CDH12: variants seen among roughly 807,000 people sequenced by gnomAD.
CDH12 encodes the protein cadherin-12.
A neutral mutation model predicts 74.1 loss-of-function variants in CDH12; 41 were observed. The observed-to-expected ratio is 0.55, with a 90% confidence interval of 0.43 to 0.72. CDH12 has a LOEUF of 0.72. CDH12 is among the 30% of genes least tolerant of loss of function. The pLI is 0.00. For missense variants in CDH12, 945 were observed against 977.2 expected (o/e 0.97, Z 0.44); for synonymous variants, 399 against 355.0 (o/e 1.12, Z -1.39).
chr5:22,090,823 AAAAC>A (rs922733385), intron 4 of CDH12, among the ~76,000 whole-genome samples: 13 of 152,194 alleles, frequency 8.5e-5, no homozygotes, highest in South Asian at 6.2e-4. Context: ...AAGAAGAAAC[AAAAC>A]AAACAGAGGA....
intron 5 of CDH12, among the ~76,000 whole-genome samples, chr5:21,984,229 G>A (rs1757424342): frequency 6.6e-6 from 1 of 152,108 alleles, no homozygotes; most frequent in African/African-American, 2.4e-5. Flanking sequence ...ATATTCGGTT[G>A]GGGGTGTTCT....
chr5:21,878,817 AAAGAG>A (rs959213851), intron 6 of CDH12, among the ~76,000 whole-genome samples: 1 of 150,218 alleles, frequency 6.7e-6, no homozygotes, highest in African/African-American at 2.5e-5. Flanking sequence ...AGAAAGAAAG[AAAGAG>A]AAAAGAAAAG....
Position 22,596,667 on chromosome 5 carries a change from A to C in CDH12, c.-522-91303T>G, listed in dbSNP as rs551777049. Among the ~76,000 whole-genome samples the C allele has an allele frequency of 2.0e-3, 312 of 152,290 alleles. 4 individuals are homozygous for C. The South Asian group carries it at 0.037, about 18-fold the overall frequency. On this transcript the variant is annotated intron_variant, in intron 1 of 14. Coordinates refer to ENST00000382254, the MANE Select transcript of CDH12 (RefSeq NM_004061.5). ...TGCCTCACTGACTTTTTCTTATTTA[A>C]TATTTTAACACATGATCTTAGCAAA...
intron 7 of CDH12, among the ~76,000 whole-genome samples, chr5:21,846,769 T>G (rs1427588282): frequency 6.6e-6 from 1 of 152,164 alleles, no homozygotes; most frequent in Non-Finnish European, 1.5e-5. Context: ...AACTTATCCC[T>G]CTTTTACTTT....
chr5:22,194,925 G>A (rs1013038493), intron 4 of CDH12, among the ~76,000 whole-genome samples: 2 of 152,026 alleles, frequency 1.3e-5, no homozygotes, highest in South Asian at 2.1e-4. Context: ...GAGTATAAGC[G>A]AGCACCTTGG....
chr5:22,669,940 T>C (rs1300095887), intron 1 of CDH12, among the ~76,000 whole-genome samples: 1 of 152,202 alleles, frequency 6.6e-6, no homozygotes, highest in African/African-American at 2.4e-5. Context: ...TCTGGTTATA[T>C]CACTTCCATA....
At chr5:21,892,350 C>T (rs1211699164) in intron 6 of CDH12, among the ~76,000 whole-genome samples, 1 of 152,030 alleles carries the variant, frequency 6.6e-6, no homozygotes, top group Admixed American at 6.6e-5. Context: ...ATGAACTTTC[C>T]TAGAATGGAA....
At chr5:21,895,883 T>C (rs1168020597) in intron 6 of CDH12, among the ~76,000 whole-genome samples, 1 of 152,190 alleles carries the variant, frequency 6.6e-6, no homozygotes, top group African/African-American at 2.4e-5. Flanking sequence ...GAGCCCACTC[T>C]AGCATTGGGT....
chr5:22,355,832 C>A (rs1462555416), intron 3 of CDH12, among the ~76,000 whole-genome samples: 1 of 152,060 alleles, frequency 6.6e-6, no homozygotes, highest in Non-Finnish European at 1.5e-5. Context: ...CACACATGCA[C>A]AAATGTGTAG....
intron 3 of CDH12, among the ~76,000 whole-genome samples, chr5:22,288,428 T>G (rs1488721338): frequency 6.6e-6 from 1 of 152,160 alleles, no homozygotes; most frequent in African/African-American, 2.4e-5. Context: ...CATCATACCT[T>G]GTTTGCAGAA....
chr5:22,636,366 G>C (rs1379291532), intron 1 of CDH12, among the ~76,000 whole-genome samples: 3 of 152,010 alleles, frequency 2.0e-5, no homozygotes, highest in Non-Finnish European at 4.4e-5. Flanking sequence ...AACTTGAAGT[G>C]AATATTCATA....
chr5:22,630,247 G>GA (rs1439654310), intron 1 of CDH12, among the ~76,000 whole-genome samples: 7 of 151,872 alleles, frequency 4.6e-5, no homozygotes, highest in Admixed American at 2.6e-4. Context: ...CACAGAATTA[G>GA]AAAAAAAGAA....
intron 4 of CDH12, among the ~76,000 whole-genome samples, chr5:22,194,307 TC>T (rs1432459511): frequency 2.6e-5 from 2 of 76,704 alleles, no homozygotes; most frequent in Non-Finnish European, 3.4e-5. Context: ...TCTTTTTCTT[TC>T]TTTTTTTTTT....
intron 6 of CDH12, among the ~76,000 whole-genome samples, chr5:21,915,081 A>G (rs1277965244): frequency 6.6e-6 from 1 of 152,172 alleles, no homozygotes; most frequent in Non-Finnish European, 1.5e-5. Context: ...CCTGGGAAGG[A>G]CCTGAAAAGT....
chr5:22,557,099 T>C (rs1738833616), intron 1 of CDH12, among the ~76,000 whole-genome samples: 1 of 152,026 alleles, frequency 6.6e-6, no homozygotes. Context: ...ATTGCAATAG[T>C]CTTGAAAAAA....
At chr5:22,776,510 C>A (rs1400915365) in intron 1 of CDH12, among the ~76,000 whole-genome samples, 1 of 151,946 alleles carries the variant, frequency 6.6e-6, no homozygotes, top group African/African-American at 2.4e-5. Context: ...ATGATAATTG[C>A]GTACACAGAG....
chr5:22,124,102 G>T (rs919399105), intron 4 of CDH12, among the ~76,000 whole-genome samples: 12 of 151,402 alleles, frequency 7.9e-5, no homozygotes, highest in African/African-American at 2.9e-4. Context: ...CCAGTAGCTG[G>T]GATTACAGCG....
intron 3 of CDH12, among the ~76,000 whole-genome samples, chr5:22,239,942 C>T (rs911192618): frequency 6.6e-6 from 1 of 152,132 alleles, no homozygotes; most frequent in East Asian, 1.9e-4. Flanking sequence ...TTTTCTGCAG[C>T]ATATCAAAAC....
intron 4 of CDH12, among the ~76,000 whole-genome samples, chr5:22,086,254 T>C (rs1336611542): frequency 6.6e-6 from 1 of 152,184 alleles, no homozygotes; most frequent in Non-Finnish European, 1.5e-5. Flanking sequence ...CCTCTCTGGC[T>C]TGTCCAGATT....
Sources: allele counts gnomAD v4.1 joint callset (sites outside exome capture counted in the v4.1 genomes callset), GRCh38; gene constraint gnomAD v4.1.1; transcripts MANE v1.5; gene names NCBI Gene and HGNC (gene_info 2026-07-23, HGNC 2026-07-21).